The following IQCJ variants were observed in gnomAD, a reference collection of about 807,000 sequenced individuals.
IQCJ encodes the protein IQ domain-containing protein J.
Under a neutral mutation model 11.0 loss-of-function variants are expected in IQCJ, and 9 were observed. That is an observed-to-expected ratio of 0.82 (90% CI 0.49 to 1.43). The LOEUF (loss-of-function observed/expected upper bound fraction) is 1.43, where lower values mean the gene tolerates loss of function less well. IQCJ is among the 40% of genes most tolerant of loss of function. The pLI is 0.00. For synonymous variants in IQCJ, 55 were observed against 51.3 expected (o/e 1.07, Z -0.31); for missense variants, 146 against 133.2 (o/e 1.10, Z -0.47).
intron 1 of IQCJ, among the ~76,000 whole-genome samples, chr3:159,207,212 A>G (rs1180922426): frequency 1.3e-5 from 2 of 152,248 alleles, no homozygotes; most frequent in South Asian, 4.1e-4. Context: ...GTGTCTATTT[A>G]CAGCCCCTAT....
chr3:159,215,070 A>C (rs567449208), intron 1 of IQCJ, among the ~76,000 whole-genome samples: 17 of 152,316 alleles, frequency 1.1e-4, no homozygotes, highest in African/African-American at 3.8e-4. Flanking sequence ...AAAGTGTACA[A>C]ATTTACTTAG....
intron 1 of IQCJ, among the ~76,000 whole-genome samples, chr3:159,120,336 T>G (rs1485564903): frequency 6.6e-6 from 1 of 152,228 alleles, no homozygotes. Context: ...TGCTTCATAG[T>G]TCAGGGACCT....
chr3:159,200,033 T>C (rs1724220006), intron 1 of IQCJ, among the ~76,000 whole-genome samples: 1 of 140,578 alleles, frequency 7.1e-6, no homozygotes. Context: ...TAAACGACTA[T>C]ATATATATAT....
At chr3:159,075,068 T>A (rs1715823901) in intron 1 of IQCJ, among the ~76,000 whole-genome samples, 1 of 152,028 alleles carries the variant, frequency 6.6e-6, no homozygotes, top group Admixed American at 6.6e-5. Context: ...ACATTATACA[T>A]GATTGTGACA....
chr3:159,089,012 T>C (rs1348615255), intron 1 of IQCJ, among the ~76,000 whole-genome samples: 1 of 152,166 alleles, frequency 6.6e-6, no homozygotes, highest in Non-Finnish European at 1.5e-5. Flanking sequence ...TTCTTCCTAG[T>C]CTCGATGGTC....
intron 1 of IQCJ, among the ~76,000 whole-genome samples, chr3:159,221,950 AAAAC>A (rs1389035449): frequency 6.6e-6 from 1 of 152,204 alleles, no homozygotes; most frequent in African/African-American, 2.4e-5. Flanking sequence ...CTTAAACTAA[AAAAC>A]AAAGAGAAAA....
intron 1 of IQCJ, among the ~76,000 whole-genome samples, chr3:159,157,872 G>A (rs1044225828): frequency 1.3e-5 from 2 of 152,076 alleles, no homozygotes; most frequent in African/African-American, 4.8e-5. Flanking sequence ...CAGTGCAGAG[G>A]GAGCTTCCTT....
intron 2 of IQCJ, among the ~76,000 whole-genome samples, chr3:159,246,914 T>C (rs1470507461): frequency 6.6e-6 from 1 of 152,084 alleles, no homozygotes; most frequent in Non-Finnish European, 1.5e-5. Flanking sequence ...GGAAAAACTT[T>C]TGTAAAAGTT....
In IQCJ at chr3:159,078,803, T is replaced by C. The variant is rs191491974; in HGVS notation, c.9+9362T>C. On this transcript the variant is annotated intron_variant, in intron 1 of 3. Coordinates refer to ENST00000397832, the MANE Select transcript of IQCJ (RefSeq NM_001042706.3). ...TTTTGCCTCTAGTCCTTACTAGCCA[T>C]ATAATCTTGGGCAAACTGTTTCCTC... 1.1e-3 allele frequency among the ~76,000 whole-genome samples: 162 copies of C among 152,194 alleles called. 1 individual carries two copies. Among genetic ancestry groups the C allele is most frequent in the Non-Finnish European group, 5.9e-4 (40 of 67,986 alleles).
intron 1 of IQCJ, among the ~76,000 whole-genome samples, chr3:159,112,721 A>G (rs1718709832): frequency 6.6e-6 from 1 of 152,170 alleles, no homozygotes; most frequent in Non-Finnish European, 1.5e-5. Context: ...CAGCTATGGG[A>G]GACACAAACT....
intron 1 of IQCJ, among the ~76,000 whole-genome samples, chr3:159,103,109 A>G (rs149548961): frequency 7.9e-4 from 120 of 152,256 alleles, no homozygotes; most frequent in African/African-American, 2.5e-3. Flanking sequence ...GGTATATTTC[A>G]GTTATGTCTC....
At chr3:159,258,898 T>C (rs1220843699) in intron 3 of IQCJ, among the ~76,000 whole-genome samples, 2 of 152,114 alleles carry the variant, frequency 1.3e-5, no homozygotes, top group East Asian at 3.9e-4. Context: ...AGCCTCAGAC[T>C]TACTGCTCTT....
chr3:159,145,427 C>T (rs1720870565), intron 1 of IQCJ, among the ~76,000 whole-genome samples: 1 of 152,106 alleles, frequency 6.6e-6, no homozygotes, highest in African/African-American at 2.4e-5. Flanking sequence ...CAATGAAATG[C>T]TTTTATCACA....
intron 1 of IQCJ, among the ~76,000 whole-genome samples, chr3:159,184,308 G>T (rs1723264972): frequency 6.6e-6 from 1 of 151,980 alleles, no homozygotes; most frequent in African/African-American, 2.4e-5. Flanking sequence ...TCCTGTGGTT[G>T]GTCCCATCAT....
In IQCJ at chr3:159,080,063, A is replaced by G. The variant is rs548163324; in HGVS notation, c.9+10622A>G. Among the ~76,000 whole-genome samples the G allele has an allele frequency of 2.0e-5, 3 of 152,238 alleles. No homozygotes were observed. The South Asian group carries it at 6.2e-4, about 32-fold the overall frequency. On this transcript the variant is annotated intron_variant, in intron 1 of 3. Transcript: ENST00000397832. ...CAAAAGTTGAATACCTTTACAATAG[A>G]CTGTATTGCTGCACCAGAAATAAAG...
In IQCJ at chr3:159,136,403, G is replaced by C. The variant is rs552843740; in HGVS notation, c.9+66962G>C. Among the ~76,000 whole-genome samples, 127 of 152,274 alleles carry C rather than the reference G, an allele frequency of 8.3e-4. 1 individual carries two copies. The highest frequency in any genetic ancestry group is 2.9e-3 in the African/African-American group (120 of 41,556). ...ATCTGGTTTTTCTGGATGGCGATTTGAGTGTGTTCCCCTTAGAGACCATTT... is the reference window on the plus strand; with the variant it reads ...ATCTGGTTTTTCTGGATGGCGATTTCAGTGTGTTCCCCTTAGAGACCATTT... On this transcript the variant is annotated intron_variant, in intron 1 of 3. Transcript: ENST00000397832.
At chr3:159,145,047 C>G (rs1720846568) in intron 1 of IQCJ, among the ~76,000 whole-genome samples, 1 of 152,164 alleles carries the variant, frequency 6.6e-6, no homozygotes, top group Non-Finnish European at 1.5e-5. Context: ...GAGATCACCT[C>G]TGTTTCCTTT....
intron 1 of IQCJ, among the ~76,000 whole-genome samples, chr3:159,210,132 C>T (rs1186746236): frequency 1.3e-5 from 2 of 152,164 alleles, no homozygotes; most frequent in Non-Finnish European, 2.9e-5. Flanking sequence ...CAAGGGTGGC[C>T]GATGGGAATG....
At chr3:159,259,088 A>G (rs1728061980) in intron 3 of IQCJ, among the ~76,000 whole-genome samples, 2 of 152,088 alleles carry the variant, frequency 1.3e-5, no homozygotes, top group Admixed American at 6.6e-5. Flanking sequence ...CTCCTCTTCT[A>G]GATAAACATA....
Sources: allele counts gnomAD v4.1 joint callset (sites outside exome capture counted in the v4.1 genomes callset), GRCh38; gene constraint gnomAD v4.1.1; transcripts MANE v1.5; gene names NCBI Gene and HGNC (gene_info 2026-07-23, HGNC 2026-07-21).